SUGCT: variants seen among roughly 807,000 people sequenced by gnomAD.
SUGCT encodes the protein succinyl-CoA:glutarate-CoA transferase, also known as succinyl-CoA:glutarate CoA-transferase.
SUGCT carries 41 observed loss-of-function variants against 55.0 expected under a neutral mutation model. The ratio of observed to expected loss-of-function variants is 0.74; its 90% CI spans 0.58 to 0.97. SUGCT has a LOEUF of 0.97. Among genes scored for constraint, SUGCT ranks in the 50% least tolerant of loss-of-function variants. SUGCT has a pLI of 0.00. For missense variants in SUGCT, 568 were observed against 547.8 expected (o/e 1.04, Z -0.37); for synonymous variants, 187 against 200.4 (o/e 0.93, Z 0.56).
intron 6 of SUGCT, among the ~76,000 whole-genome samples, chr7:40,222,950 C>G (rs1376184822): frequency 1.3e-5 from 2 of 151,930 alleles, no homozygotes; most frequent in African/African-American, 4.8e-5. Context: ...ATTTTTGGCA[C>G]AAGCACACAT....
the SUGCT span, among the ~76,000 whole-genome samples, chr7:40,918,477 A>AC: frequency 1.3e-5 from 2 of 151,782 alleles, no homozygotes; most frequent in African/African-American, 4.8e-5. Flanking sequence ...AAAAAAAAAA[A>AC]AGGTTTGGGG....
At chr7:40,366,056 C>G (rs1304817088) in intron 9 of SUGCT, among the ~76,000 whole-genome samples, 4 of 152,070 alleles carry the variant, frequency 2.6e-5, no homozygotes, top group African/African-American at 9.7e-5. Context: ...GTACTGGTAC[C>G]AAAACAGAGA....
intron 6 of SUGCT, among the ~76,000 whole-genome samples, chr7:40,209,524 C>T (rs564582438): frequency 2.8e-5 from 4 of 140,810 alleles, no homozygotes; most frequent in South Asian, 2.3e-4. Flanking sequence ...ATGCCGGGCA[C>T]GGTGGCACAT....
intron 7 of SUGCT, among the ~76,000 whole-genome samples, chr7:40,248,258 A>G (rs962144213): frequency 2.6e-5 from 4 of 152,090 alleles, no homozygotes; most frequent in Admixed American, 6.6e-5. Context: ...TGATCTGCCC[A>G]TCTGAGCCTC....
At chr7:40,198,719 G>T (rs996389314) in intron 6 of SUGCT, among the ~76,000 whole-genome samples, 1 of 146,488 alleles carries the variant, frequency 6.8e-6, no homozygotes, top group Non-Finnish European at 1.5e-5. Flanking sequence ...AAAATTAGCT[G>T]GGTATGGTGG....
At chr7:40,788,287 T>G (rs1472583847) in intron 13 of SUGCT, among the ~76,000 whole-genome samples, 5 of 152,170 alleles carry the variant, frequency 3.3e-5, no homozygotes, top group African/African-American at 1.2e-4. Context: ...AAGATTGAAA[T>G]GAGATCCAGA....
intron 9 of SUGCT, among the ~76,000 whole-genome samples, chr7:40,408,369 G>A (rs1027586260): frequency 1.2e-4 from 19 of 152,018 alleles, no homozygotes; most frequent in African/African-American, 4.1e-4. Context: ...TCTGCAAACC[G>A]AAGGATTGAC....
intron 13 of SUGCT, among the ~76,000 whole-genome samples, chr7:40,772,537 TC>T (rs1789185338): frequency 1.3e-5 from 2 of 151,118 alleles, no homozygotes; most frequent in African/African-American, 4.9e-5. Context: ...TATCTATCTA[TC>T]TATCTATCTA....
At chr7:41,016,146 G>A in the SUGCT span, among the ~76,000 whole-genome samples, 9 of 152,170 alleles carry the variant, frequency 5.9e-5, no homozygotes, top group African/African-American at 1.9e-4. Context: ...GGCTTTGTAA[G>A]GGGGCATTTT....
At chr7:40,182,099 CATG>C in intron 3 of SUGCT, 71 bp downstream of exon 3, 1 of 869,932 alleles carries the variant, frequency 1.1e-6, no homozygotes, top group Non-Finnish European at 1.8e-6. Flanking sequence ...TCTAAATACC[CATG>C]TTTAGTGTAC....
chr7:40,386,357 G>A (rs934472300), intron 9 of SUGCT, among the ~76,000 whole-genome samples: 18 of 152,096 alleles, frequency 1.2e-4, no homozygotes, highest in African/African-American at 3.4e-4. Flanking sequence ...CCATCTTGAC[G>A]GGAATCTCAG....
At chr7:40,869,043 A>T in the SUGCT span, among the ~76,000 whole-genome samples, 2 of 152,192 alleles carry the variant, frequency 1.3e-5, no homozygotes, top group Non-Finnish European at 2.9e-5. Flanking sequence ...CTAATCTATA[A>T]ACATTATTCA....
intron 13 of SUGCT, among the ~76,000 whole-genome samples, chr7:40,853,893 G>A (rs992261212): frequency 2.0e-5 from 3 of 152,130 alleles, no homozygotes; most frequent in South Asian, 2.1e-4. Flanking sequence ...ATTTTATAGC[G>A]ACCATGAAAA....
chr7:40,448,147 A>C (rs1432729520), intron 9 of SUGCT, among the ~76,000 whole-genome samples: 1 of 152,012 alleles, frequency 6.6e-6, no homozygotes, highest in African/African-American at 2.4e-5. Context: ...AGTGCCCAAA[A>C]GATTACATTT....
At chr7:40,563,997 G>T (rs1212953282) in intron 12 of SUGCT, among the ~76,000 whole-genome samples, 1 of 152,038 alleles carries the variant, frequency 6.6e-6, no homozygotes, top group Non-Finnish European at 1.5e-5. Context: ...TATATACAGA[G>T]AAAAAAATAT....
At chr7:40,663,136 T>C (rs1801416615) in intron 12 of SUGCT, among the ~76,000 whole-genome samples, 1 of 152,222 alleles carries the variant, frequency 6.6e-6, no homozygotes, top group South Asian at 2.1e-4. Flanking sequence ...GTAAACTATT[T>C]TATCTTCATA....
downstream of SUGCT, among the ~76,000 whole-genome samples, chr7:40,864,355 T>C (rs1794543745): frequency 6.6e-6 from 1 of 152,196 alleles, no homozygotes; most frequent in African/African-American, 2.4e-5. Context: ...TTTCACCATG[T>C]TGGCCAGGCT....
intron 12 of SUGCT, chr7:40,546,588 T>C (rs950631365): frequency 2.6e-5 from 4 of 152,176 alleles, no homozygotes; most frequent in Non-Finnish European, 5.9e-5. Flanking sequence ...AGCCTCTAAA[T>C]ATTTTTTCCT....
intron 12 of SUGCT, among the ~76,000 whole-genome samples, chr7:40,742,533 T>C (rs1356779818): frequency 6.6e-6 from 1 of 152,144 alleles, no homozygotes. Flanking sequence ...GAGAATCTAA[T>C]GCTGCCGCTC....
Sources: allele counts gnomAD v4.1 joint callset (sites outside exome capture counted in the v4.1 genomes callset), GRCh38; gene constraint gnomAD v4.1.1; transcripts MANE v1.5; gene names NCBI Gene and HGNC (gene_info 2026-07-23, HGNC 2026-07-21).